Variants in DAB2IP observed in about 807,000 individuals in gnomAD.
DAB2IP encodes disabled homolog 2-interacting protein.
DAB2IP carries 28 observed loss-of-function variants against 107.2 expected under a neutral mutation model. The ratio of observed to expected loss-of-function variants is 0.26; its 90% CI spans 0.19 to 0.36. The LOEUF is 0.36. DAB2IP is among the 10% of genes least tolerant of loss of function. The probability of loss-of-function intolerance (pLI) is 1.00; values close to 1 mark genes in which losing one functional copy is unlikely to be tolerated. For synonymous variants in DAB2IP, 755 were observed against 706.4 expected (o/e 1.07, Z -1.09); for missense variants, 1,400 against 1,644.7 (o/e 0.85, Z 2.57).
chr9:121,644,772 G>A (rs1832482256), intron 1 of DAB2IP, among the ~76,000 whole-genome samples: 1 of 152,188 alleles, frequency 6.6e-6, no homozygotes, highest in Admixed American at 6.5e-5. Context: ...CTTAGGAAAT[G>A]GAGGCACAGA....
chr9:121,637,764 G>A (rs968667236), intron 1 of DAB2IP, among the ~76,000 whole-genome samples: 4 of 152,198 alleles, frequency 2.6e-5, no homozygotes, highest in Admixed American at 6.5e-5. Context: ...CAGAGAGGCC[G>A]AGCGCTGCAT....
At position 121,782,231 on chromosome 9, in the gene DAB2IP, C is replaced by G. The variant is rs1186233988; in HGVS notation, c.3403-100C>G. 1.3e-6 allele frequency: 2 copies of G among 1,517,908 alleles called. No individual in the cohort carries two copies. The highest frequency in any genetic ancestry group is 2.8e-5 in the African/African-American group (2 of 72,344). 94.0% of individuals were successfully genotyped at this position (1,517,908 alleles called of 1,614,324 possible). On this transcript the variant is annotated intron_variant, in intron 15 of 15. Coordinates refer to ENST00000408936, the Ensembl canonical transcript of DAB2IP. This position sits in a 1 kb window ranked among gnomAD's most constrained non-coding sequence, Gnocchi z 6.1. ...CACAGCCCGGAGCCTGCCTGCCACCCTCATCTCCAGGCCACCCCCTTCCCC... is the reference window on the plus strand; with the variant it reads ...CACAGCCCGGAGCCTGCCTGCCACCGTCATCTCCAGGCCACCCCCTTCCCC...
intron 3 of DAB2IP, chr9:121,752,074 G>A (rs1833157186): frequency 1.0e-6 from 1 of 974,330 alleles, no homozygotes; most frequent in Non-Finnish European, 1.2e-6. Flanking sequence ...GGAGCAGTGT[G>A]CAGCCACAGA....
At chr9:121,717,190 C>G (rs1830651855) in intron 3 of DAB2IP, among the ~76,000 whole-genome samples, 1 of 152,166 alleles carries the variant, frequency 6.6e-6, no homozygotes, top group Non-Finnish European at 1.5e-5. Context: ...TCCACATCGG[C>G]TCAGGGGCCA....
intron 2 of DAB2IP, among the ~76,000 whole-genome samples, chr9:121,685,224 C>G (rs941017967): frequency 6.6e-6 from 1 of 152,218 alleles, no homozygotes; most frequent in African/African-American, 2.4e-5. Flanking sequence ...AGGAACATTA[C>G]CGTCATTTTG....
chr9:121,646,731 C>G (rs1446495372), upstream of DAB2IP, among the ~76,000 whole-genome samples: 1 of 151,988 alleles, frequency 6.6e-6, no homozygotes, highest in East Asian at 1.9e-4. Flanking sequence ...CTCCTGTCGC[C>G]CCTAGCCTCC....
At chr9:121,610,663 T>C (rs895320526) in intron 1 of DAB2IP, among the ~76,000 whole-genome samples, 4 of 152,072 alleles carry the variant, frequency 2.6e-5, no homozygotes, top group African/African-American at 9.7e-5. Flanking sequence ...AGGTGATGGA[T>C]GAAGGGTCTT....
chr9:121,630,769 A>C (rs937021184), intron 1 of DAB2IP, among the ~76,000 whole-genome samples: 2 of 151,466 alleles, frequency 1.3e-5, no homozygotes, highest in Non-Finnish European at 2.9e-5. Flanking sequence ...CACTACACCC[A>C]GCTAATTTTG....
At chr9:121,704,905 G>T (rs1007563934) in intron 3 of DAB2IP, among the ~76,000 whole-genome samples, 28 of 152,162 alleles carry the variant, frequency 1.8e-4, no homozygotes, top group African/African-American at 6.5e-4. Context: ...CCAGGCATTG[G>T]AACCAGATCC....
intron 1 of DAB2IP, among the ~76,000 whole-genome samples, chr9:121,655,614 C>T (rs1029351200): frequency 6.6e-6 from 1 of 152,164 alleles, no homozygotes; most frequent in African/African-American, 2.4e-5. Flanking sequence ...GCTGTAGTTC[C>T]AGCTCAGCCG....
At chr9:121,654,451 TTTG>T (rs1832891335) in intron 1 of DAB2IP, among the ~76,000 whole-genome samples, 1 of 152,070 alleles carries the variant, frequency 6.6e-6, no homozygotes, top group African/African-American at 2.4e-5. Flanking sequence ...TGTTTGTTTG[TTTG>T]TTTTTTTAAA....
chr9:121,699,322 CAGGGCTTCCTCAGCCGCCGCCTCA>C lies in DAB2IP; in HGVS notation c.233_256del (p.Phe78_Gly85del). On this transcript the variant is annotated splice_acceptor_variant and coding_sequence_variant, in exon 3 of 16. Transcript: ENST00000408936. LOFTEE classifies it high-confidence loss of function. This position sits in a 1 kb window ranked among gnomAD's most constrained non-coding sequence, Gnocchi z 6.2. The stretch of plus-strand genomic sequence containing the variant: ...CTTCCCCCTCTTGTCCCCCCGTGCG[CAGGGCTTCCTCAGCCGCCGCCTCA>C]AGGGCTCCATCAAGCGCACCAAGAG... 6.9e-7 allele frequency: 1 copy of C among 1,446,620 alleles called. No homozygotes were observed. The highest frequency in any genetic ancestry group is 9.2e-7 in the Non-Finnish European group (1 of 1,086,082). 89.6% of individuals were successfully genotyped at this position (1,446,620 alleles called of 1,614,324 possible).
chr9:121,595,562 T>C (rs1354543219), intron 1 of DAB2IP, among the ~76,000 whole-genome samples: 2 of 150,068 alleles, frequency 1.3e-5, no homozygotes, highest in Non-Finnish European at 3.0e-5. Context: ...ATCATTATGC[T>C]ACTGCACTCC....
chr9:121,608,525 G>C (rs1830966821), intron 1 of DAB2IP, among the ~76,000 whole-genome samples: 1 of 152,120 alleles, frequency 6.6e-6, no homozygotes, highest in South Asian at 2.1e-4. Context: ...GACTGTAACT[G>C]GTTGGAGCAG....
chr9:121,648,547 G>T (rs901577719), upstream of DAB2IP, among the ~76,000 whole-genome samples: 6 of 152,080 alleles, frequency 3.9e-5, no homozygotes, highest in Non-Finnish European at 8.8e-5. Context: ...GGTGGGGTTA[G>T]GTCAGATCTG....
rs1835176176 is a variant in DAB2IP at position 121,776,054 on chromosome 9, C to T, written c.3121-144C>T. ...CCCACCAGCTGGGCTCCTTGGGCAT[C>T]TCCTTGCTATGTGAAGTGGGCGGGT... is the stretch of plus-strand genomic sequence containing the variant. On this transcript the variant is annotated intron_variant, in intron 13 of 15. Coordinates refer to ENST00000408936, the Ensembl canonical transcript of DAB2IP. The surrounding 1 kb of genome is among the most constrained non-coding windows in gnomAD (Gnocchi z 5.4). The T allele has an allele frequency of 1.0e-6, 1 of 970,126 alleles. No individual in the cohort carries two copies. Among genetic ancestry groups the T allele is most frequent in the South Asian group, 1.7e-5 (1 of 58,346 alleles). 60.1% of individuals were successfully genotyped at this position (970,126 alleles called of 1,614,324 possible).
Position 121,772,466 on chromosome 9 carries a change from C to G in DAB2IP, c.2079-141C>G, listed in dbSNP as rs1005223340. 2.3e-6 allele frequency: 2 copies of G among 877,190 alleles called. No homozygotes were observed. Among genetic ancestry groups the G allele is most frequent in the African/African-American group, 3.4e-5 (2 of 59,332 alleles). The allele number at this position is 877,190 out of a possible 1,614,324, so 54.3% of individuals were successfully genotyped here. ...CCGGATTCTCCCACTCCTGCCACCCCAGCGCATCCATCTCCCCAGCGCTGG... is the reference window on the plus strand; with the variant it reads ...CCGGATTCTCCCACTCCTGCCACCCGAGCGCATCCATCTCCCCAGCGCTGG... On this transcript the variant is annotated intron_variant, in intron 11 of 15. Coordinates refer to ENST00000408936, the Ensembl canonical transcript of DAB2IP. The surrounding 1 kb of genome is among the most constrained non-coding windows in gnomAD (Gnocchi z 4.7).
In DAB2IP at chr9:121,773,003, G is replaced by A. The variant is rs146245060; in HGVS notation, c.2475G>A (p.Pro825=). 1.4e-4 allele frequency: 224 copies of A among 1,610,780 alleles called. No individual in the cohort carries two copies. The East Asian group carries it at 2.3e-3, about 17-fold the overall frequency. Residue 825 remains proline (P), a synonymous_variant, in exon 12 of 16, where the codon CCG becomes CCA. Transcript: ENST00000408936. ...CAGGCCGGCCCCAGCTGTTGGCACC[G>A]CTCTCCTTCCAGAACCCTGTGTACC...
In DAB2IP at chr9:121,634,312, C is replaced by T. The variant is rs894501448; in HGVS notation, c.41-44366C>T. Among the ~76,000 whole-genome samples the T allele has an allele frequency of 6.6e-6, 1 of 152,204 alleles. No individual in the cohort carries two copies. Among genetic ancestry groups the T allele is most frequent in the Admixed American group, 6.5e-5 (1 of 15,274 alleles). ...AGAGGAGAGATGGAGGAGGCAGAGG[C>T]CCCGGCCGGCCACACTTGACCCCGC... On this transcript the variant is annotated intron_variant, in intron 1 of 16. Transcript: ENST00000259371. The surrounding 1 kb of genome is among the most constrained non-coding windows in gnomAD (Gnocchi z 4.7).
Sources: gnomAD v4.1 joint callset for allele counts (sites outside exome capture counted in the v4.1 genomes callset) on GRCh38, gnomAD v4.1.1 for gene constraint, Gnocchi (gnomAD v3.1) non-coding constraint, MANE v1.5 for transcripts, NCBI Gene and HGNC (gene_info 2026-07-23, HGNC 2026-07-21) for gene names.